The following ATP2A2 variants were observed in gnomAD, a reference collection of about 807,000 sequenced individuals.
ATP2A2 encodes sarcoplasmic/endoplasmic reticulum calcium ATPase 2.
Under a neutral mutation model 109.3 loss-of-function variants are expected in ATP2A2, and 14 were observed. The observed-to-expected ratio is 0.13, with a 90% CI of 0.08 to 0.20. ATP2A2 has a LOEUF of 0.20. ATP2A2 is among the 10% of genes least tolerant of loss of function. The pLI is 1.00. For synonymous variants in ATP2A2, 506 were observed against 490.9 expected, an observed-to-expected ratio of 1.03 and a Z score of -0.41; for missense variants, 657 against 1,321.6, an observed-to-expected ratio of 0.50 and a Z score of 7.80.
chr12:110,303,097 G>C (rs958630528), intron 5 of ATP2A2, among the ~76,000 whole-genome samples: 8 of 152,308 alleles, frequency 5.3e-5, no homozygotes, highest in African/African-American at 1.9e-4. Context: ...CATATTGACT[G>C]TTGTAACGTT....
chr12:110,307,222 CTTT>C (rs113642254), intron 5 of ATP2A2, among the ~76,000 whole-genome samples: 1 of 126,728 alleles, frequency 7.9e-6, no homozygotes, highest in African/African-American at 3.0e-5. Flanking sequence ...GCCCCACCAC[CTTT>C]TTTTTTTTTT....
At chr12:110,303,503 C>G (rs373636477) in intron 5 of ATP2A2, among the ~76,000 whole-genome samples, 2 of 152,156 alleles carry the variant, frequency 1.3e-5, no homozygotes, top group Non-Finnish European at 2.9e-5. Flanking sequence ...CTCCGACTCC[C>G]TGGTTCAAGC....
At chr12:110,313,339 G>A (rs571937916) in intron 5 of ATP2A2, among the ~76,000 whole-genome samples, 74 of 142,002 alleles carry the variant, frequency 5.2e-4, no homozygotes, top group African/African-American at 1.8e-3. Flanking sequence ...TTTTGATACG[G>A]AGTCGCTCTG....
At chr12:110,286,586 C>CT (rs1426682988) in intron 3 of ATP2A2, among the ~76,000 whole-genome samples, 2 of 151,440 alleles carry the variant, frequency 1.3e-5, no homozygotes, top group East Asian at 1.9e-4. Context: ...CTAATTCATG[C>CT]TTTTTTTTCC....
intron 5 of ATP2A2, among the ~76,000 whole-genome samples, chr12:110,302,019 T>C (rs1200100465): frequency 6.6e-6 from 1 of 152,208 alleles, no homozygotes; most frequent in Admixed American, 6.5e-5. Flanking sequence ...TAATATAGTT[T>C]TGTTGTTGCA....
chr12:110,334,095 C>T lies in ATP2A2; in HGVS notation c.1371C>T (p.Thr457=), dbSNP rs769056558. The change falls in exon 11 of 20, where the codon ACC becomes ACT. Residue 457 remains threonine (T), a synonymous_variant. Transcript: ENST00000539276. ...TAGAGAAGATGAATGTATTTGATACCGAATTGAAGGGTCTTTCTAAAATAG... is the reference window on the plus strand; with the variant it reads ...TAGAGAAGATGAATGTATTTGATACTGAATTGAAGGGTCTTTCTAAAATAG... The part of the protein sequence containing the change: ...CLVEKMNVFD[T]ELKGLSKIER... 12 of 1,613,892 alleles carry T rather than the reference C, an allele frequency of 7.4e-6. No homozygotes were observed. The highest frequency in any genetic ancestry group is 1.6e-4 in the Middle Eastern group (1 of 6,084).
intron 5 of ATP2A2, among the ~76,000 whole-genome samples, chr12:110,315,712 G>T (rs1876589053): frequency 1.3e-5 from 2 of 152,150 alleles, no homozygotes; most frequent in South Asian, 4.1e-4. Context: ...AGGCCTAGGT[G>T]GGTGGATCAC....
chr12:110,296,200 C>T, intron 4 of ATP2A2: 3 of 203,550 alleles, frequency 1.5e-5, no homozygotes, highest in Admixed American at 1.1e-4. Context: ...CTGCAGCCTC[C>T]GCCTCTCGGG....
chr12:110,343,507 C>A (rs1879556196), intron 16 of ATP2A2, 73 bp downstream of exon 16: 1 of 1,547,700 alleles, frequency 6.5e-7, no homozygotes, highest in Non-Finnish European at 8.9e-7. Flanking sequence ...AAATTCATCC[C>A]TTAAAAGCGT....
chr12:110,292,273 A>G lies in ATP2A2; in HGVS notation c.324+149A>G, dbSNP rs186953865. ...CATGTATTTTCCCTTTATTCCATAA[A>G]TTAATTGTTTTCTGACACAGTCTCA... On this transcript the variant is annotated intron_variant, in intron 4 of 19. Transcript: ENST00000539276. 1.0e-3 allele frequency: 738 copies of G among 709,628 alleles called. 10 individuals carry two copies. In the Admixed American group the frequency reaches 0.011, roughly 11 times the overall value. The allele number at this position is 709,628 out of a possible 1,614,324, so 44.0% of individuals were successfully genotyped here.
Position 110,327,871 on chromosome 12 carries a change from A to G in ATP2A2, c.949A>G (p.Thr317Ala). 1.2e-6 allele frequency: 2 copies of G among 1,613,984 alleles called. No individual in the cohort carries two copies. The highest frequency in any genetic ancestry group is 1.7e-6 in the Non-Finnish European group (2 of 1,179,980). Reference protein sequence around the residue: ...IPEGLPAVITTCLALGTRRMA... With the variant: ...IPEGLPAVITACLALGTRRMA... ...TGAAGGTCTGCCTGCAGTCATCACC[A>G]CCTGCCTGGCTCTTGGAACTCGCAG... Residue 317 changes from threonine to alanine, a missense_variant, in exon 8 of 20, where the codon ACC becomes GCC. This residue lies in a region of ATP2A2 where 136 missense variants were observed against 343.9 expected (regional missense o/e 0.40). Transcript: ENST00000539276. The surrounding 1 kb of genome is among the most constrained non-coding windows in gnomAD (Gnocchi z 4.4).
rs780475113 is a variant in ATP2A2, at chr12:110,332,583, C to T, written c.1096-14C>T. 2 of 1,596,084 alleles carry T rather than the reference C, an allele frequency of 1.3e-6. No individual in the cohort carries two copies. The highest frequency in any genetic ancestry group is 1.7e-6 in the Non-Finnish European group (2 of 1,163,574). ...AATCCCTTTTAAATACTCTGATGCGCTCTCCCCCTACAGATGTTCATTCTG... is the reference window on the plus strand; with the variant it reads ...AATCCCTTTTAAATACTCTGATGCGTTCTCCCCCTACAGATGTTCATTCTG... On this transcript the variant is annotated splice_polypyrimidine_tract_variant and intron_variant, in intron 8 of 19. Coordinates refer to ENST00000539276, the MANE Select transcript of ATP2A2 (RefSeq NM_170665.4).
chr12:110,304,520 C>T (rs760801353), intron 5 of ATP2A2, among the ~76,000 whole-genome samples: 1 of 152,020 alleles, frequency 6.6e-6, no homozygotes, highest in Non-Finnish European at 1.5e-5. Context: ...CGTCCGTTTC[C>T]CTAATTTCTT....
At chr12:110,321,600 A>AT (rs1365348641) in intron 5 of ATP2A2, among the ~76,000 whole-genome samples, 1 of 152,122 alleles carries the variant, frequency 6.6e-6, no homozygotes, top group African/African-American at 2.4e-5. Flanking sequence ...CTCCCAGCTA[A>AT]TTTTTTATAT....
At chr12:110,328,082 A>G in intron 8 of ATP2A2, 65 bp downstream of exon 8, 4 of 1,493,562 alleles carry the variant, frequency 2.7e-6, no homozygotes, top group Middle Eastern at 2.1e-4. Context: ...ATATGCCTTC[A>G]TGCCATCAAA....
chr12:110,309,608 T>TA (rs763138657), intron 5 of ATP2A2, among the ~76,000 whole-genome samples: 6 of 151,720 alleles, frequency 4.0e-5, no homozygotes, highest in Non-Finnish European at 8.8e-5. Flanking sequence ...ATGGAGAAAA[T>TA]AACCCGCACA....
intron 5 of ATP2A2, among the ~76,000 whole-genome samples, chr12:110,319,876 C>G (rs891220289): frequency 2.0e-5 from 3 of 151,998 alleles, no homozygotes; most frequent in Admixed American, 2.0e-4. Context: ...GCTCAAAGAT[C>G]AGAAACTTTT....
intron 3 of ATP2A2, among the ~76,000 whole-genome samples, chr12:110,286,404 A>T (rs1872665707): frequency 6.6e-6 from 1 of 152,186 alleles, no homozygotes; most frequent in African/African-American, 2.4e-5. Context: ...TAAAAATGGG[A>T]TAAGAAGGGC....
chr12:110,296,561 G>A (rs771752936), intron 4 of ATP2A2, 38 bp from the exon 5 acceptor site: 22 of 1,613,394 alleles, frequency 1.4e-5, no homozygotes, highest in Admixed American at 3.3e-5. Context: ...TGCAGTGTCA[G>A]GCAGGTCTTT....
Sources: allele counts gnomAD v4.1 joint callset (sites outside exome capture counted in the v4.1 genomes callset), GRCh38; gene constraint gnomAD v4.1.1; regional missense constraint gnomAD v4.1.1; non-coding constraint Gnocchi (gnomAD v3.1); transcripts MANE v1.5; gene names NCBI Gene and HGNC (gene_info 2026-07-23, HGNC 2026-07-21).